The following DYSF variants were observed in gnomAD, a reference collection of about 807,000 sequenced individuals.
DYSF encodes dystrophy-associated fer-1-like 1.
DYSF carries 212 observed loss-of-function variants against 274.9 expected under a neutral mutation model. That is an observed-to-expected ratio of 0.77 (90% CI 0.69 to 0.86). The LOEUF (loss-of-function observed/expected upper bound fraction) is 0.86. Among genes scored for constraint, DYSF ranks in the 40% least tolerant of loss-of-function variants. The probability of loss-of-function intolerance (pLI) is 0.00; values close to 1 mark genes in which losing one functional copy is unlikely to be tolerated. For synonymous variants in DYSF, 1,091 were observed against 1,078.7 expected (o/e 1.01, Z -0.22); for missense variants, 2,666 against 2,783.2 (o/e 0.96, Z 0.95).
intron 4 of DYSF, among the ~76,000 whole-genome samples, chr2:71,507,193 C>T (rs536449365): frequency 6.6e-6 from 1 of 152,176 alleles, no homozygotes; most frequent in Admixed American, 6.5e-5. Flanking sequence ...TGTATAGAAG[C>T]CCCCAGGTGG....
intron 1 of DYSF, among the ~76,000 whole-genome samples, chr2:71,456,270 C>A (rs2081058695): frequency 6.6e-6 from 1 of 152,154 alleles, no homozygotes; most frequent in African/African-American, 2.4e-5. Context: ...TGGCTGGAGC[C>A]CCCACCCCTG....
At chr2:71,512,880 C>T (rs1193125536) in intron 5 of DYSF, among the ~76,000 whole-genome samples, 1 of 152,124 alleles carries the variant, frequency 6.6e-6, no homozygotes, top group South Asian at 2.1e-4. Flanking sequence ...GATGGGAGAT[C>T]AGTCTGGACT....
chr2:71,483,733 G>A lies in DYSF; in HGVS notation c.239+1763G>A, dbSNP rs146119761. Reference sequence around the variant, plus strand: ...ATTGTAACTGTCACCGTTACAGATGGGGAAACTGAGGCTCTGAGAGATTGG... The same window carrying A: ...ATTGTAACTGTCACCGTTACAGATGAGGAAACTGAGGCTCTGAGAGATTGG... On this transcript the variant is annotated intron_variant, in intron 3 of 55. Coordinates refer to ENST00000410020, the MANE Select transcript of DYSF (RefSeq NM_001130987.2). Among the ~76,000 whole-genome samples, 1,305 of 152,254 alleles carry A rather than the reference G, an allele frequency of 8.6e-3. 17 individuals are homozygous for A. Among genetic ancestry groups the A allele is most frequent in the African/African-American group, 0.03 (1,242 of 41,536 alleles).
chr2:71,682,389 C>G, intron 54 of DYSF, 141 bp from the exon 55 acceptor site: 1 of 1,008,564 alleles, frequency 9.9e-7, no homozygotes, highest in South Asian at 1.3e-5. Flanking sequence ...GTGCAAAGGG[C>G]TAGTTTAGGG....
rs1278659571 is a variant in DYSF, at chr2:71,545,571, G to A, written c.1577-5470G>A. ...TTTGGGGGTGGTAATGCAGACAGAG[G>A]GTCACCTCACAGGTCAGTACTCTTG... On this transcript the variant is annotated intron_variant, in intron 17 of 55. Transcript: ENST00000410020. 4.6e-5 allele frequency among the ~76,000 whole-genome samples: 7 copies of A among 152,144 alleles called. No individual in the cohort carries two copies. In the East Asian group the frequency reaches 1.4e-3, roughly 29 times the overall value.
chr2:71,634,687 G>A (rs1204573474), intron 41 of DYSF, among the ~76,000 whole-genome samples: 1 of 152,114 alleles, frequency 6.6e-6, no homozygotes, highest in Non-Finnish European at 1.5e-5. Flanking sequence ...AACATTTTAG[G>A]TTTAAACTTA....
At chr2:71,589,053 C>T (rs777472414) in intron 30 of DYSF, among the ~76,000 whole-genome samples, 20 of 152,172 alleles carry the variant, frequency 1.3e-4, no homozygotes, top group Non-Finnish European at 2.5e-4. Context: ...CCTGACTGTC[C>T]ACCCACTCCT....
intron 12 of DYSF, among the ~76,000 whole-genome samples, chr2:71,521,166 T>C (rs1227528399): frequency 6.6e-6 from 1 of 152,204 alleles, no homozygotes; most frequent in Non-Finnish European, 1.5e-5. Flanking sequence ...TCTGGAAGGA[T>C]ATATGCACAT....
At position 71,589,613 on chromosome 2, in the gene DYSF, G is replaced by C. The variant is rs2093189667; in HGVS notation, c.3423G>C (p.Lys1141Asn). The change falls in exon 31 of 56, where the codon AAG becomes AAC. Residue 1141 changes from lysine (K) to asparagine (N), a missense_variant. Coordinates refer to ENST00000410020, the MANE Select transcript of DYSF (RefSeq NM_001130987.2). ...EGALGGVMDD[K>N]SEDSMSVSTL... ...TCCAGGGCGGCGTGATGGATGACAA[G>C]AGTGAAGATTCCATGTCCGTCTCCA... The C allele has an allele frequency of 1.2e-6, 2 of 1,613,992 alleles. No homozygotes were observed. The highest frequency in any genetic ancestry group is 2.2e-5 in the South Asian group (2 of 91,082).
intron 41 of DYSF, among the ~76,000 whole-genome samples, chr2:71,632,732 A>T (rs2094335191): frequency 6.6e-6 from 1 of 152,096 alleles, no homozygotes; most frequent in Admixed American, 6.5e-5. Context: ...GGCTTTCTGC[A>T]TAGTTGTGTG....
rs1559186257 is a variant in DYSF at position 71,570,693 on chromosome 2, G to C, written c.3180G>C (p.Trp1060Cys). 1.2e-6 allele frequency: 2 copies of C among 1,614,050 alleles called. No homozygotes were observed. The highest frequency in any genetic ancestry group is 2.2e-5 in the South Asian group (2 of 91,088). The part of the protein sequence containing the change: ...KMYYTHRRRR[W>C]VRLRRRDLSQ... Reference sequence around the variant, plus strand: ...ACTACACACACCGACGGCGGCGCTGGGTGCGCCTGCGCAGGAGGGATCTCA... The same window carrying C: ...ACTACACACACCGACGGCGGCGCTGCGTGCGCCTGCGCAGGAGGGATCTCA... Residue 1060 changes from tryptophan (W) to cysteine (C), a missense_variant, in exon 29 of 56, where the codon TGG (tryptophan) becomes TGC (cysteine). Coordinates refer to ENST00000410020, the MANE Select transcript of DYSF (RefSeq NM_001130987.2).
At chr2:71,525,130 C>T (rs557585704) in intron 12 of DYSF, among the ~76,000 whole-genome samples, 67 of 152,338 alleles carry the variant, frequency 4.4e-4, no homozygotes, top group African/African-American at 1.5e-3. Context: ...TTACAAGCCA[C>T]TGCTGCATGG....
chr2:71,550,957 TG>T, intron 17 of DYSF, 83 bp from the exon 18 acceptor site: 1 of 1,174,344 alleles, frequency 8.5e-7, no homozygotes, highest in Non-Finnish European at 1.3e-6. Flanking sequence ...GGGCCAGGGG[TG>T]GGCTCAGGTT....
intron 41 of DYSF, among the ~76,000 whole-genome samples, chr2:71,624,323 G>T (rs2094165966): frequency 6.6e-6 from 1 of 152,170 alleles, no homozygotes; most frequent in Non-Finnish European, 1.5e-5. Flanking sequence ...TGGCTAAGAA[G>T]TTTTAAGGAG....
At chr2:71,528,506 G>A (rs1404648266) in intron 14 of DYSF, 105 bp downstream of exon 14, 6 of 975,834 alleles carry the variant, frequency 6.1e-6, no homozygotes, top group African/African-American at 4.8e-5. Flanking sequence ...CCCACCAGAG[G>A]TGTGTGCACA....
At chr2:71,678,360 A>G (rs1396926595) in intron 52 of DYSF, among the ~76,000 whole-genome samples, 1 of 152,214 alleles carries the variant, frequency 6.6e-6, no homozygotes, top group Non-Finnish European at 1.5e-5. Context: ...ATACAGATTA[A>G]AAAAACACTA....
intron 41 of DYSF, among the ~76,000 whole-genome samples, chr2:71,626,211 T>C (rs2094203697): frequency 6.6e-6 from 1 of 151,972 alleles, no homozygotes; most frequent in Admixed American, 6.5e-5. Context: ...TATTCTTTTC[T>C]GCTCCTAATT....
intron 4 of DYSF, among the ~76,000 whole-genome samples, chr2:71,510,603 G>A (rs1011158676): frequency 3.3e-5 from 5 of 152,168 alleles, no homozygotes; most frequent in Non-Finnish European, 5.9e-5. Flanking sequence ...CCAGTCTGGA[G>A]AGTTCAAGCT....
At chr2:71,516,355 C>A in intron 9 of DYSF, 113 bp downstream of exon 9, 1 of 1,018,218 alleles carries the variant, frequency 9.8e-7, no homozygotes, top group Non-Finnish European at 1.5e-6. Flanking sequence ...AGTGTGAATG[C>A]GTGAATGCGT....
Sources: gnomAD v4.1 joint callset for allele counts (sites outside exome capture counted in the v4.1 genomes callset) on GRCh38, gnomAD v4.1.1 for gene constraint, MANE v1.5 for transcripts, NCBI Gene and HGNC (gene_info 2026-07-23, HGNC 2026-07-21) for gene names.